The following ROBO2 variants were observed in gnomAD, a reference collection of about 807,000 sequenced individuals.
ROBO2 encodes roundabout homolog 2.
In ROBO2, 53 loss-of-function variants were observed where a neutral mutation model predicts 160.8. That is an observed-to-expected ratio of 0.33 (90% CI 0.26 to 0.41). The LOEUF (loss-of-function observed/expected upper bound fraction) is 0.41. Among genes scored for constraint, ROBO2 ranks in the 10% least tolerant of loss-of-function variants. The pLI is 1.00. For synonymous variants in ROBO2, 664 were observed against 611.7 expected, an observed-to-expected ratio of 1.09 and a Z score of -1.26; for missense variants, 1,577 against 1,722.4, an observed-to-expected ratio of 0.92 and a Z score of 1.49.
At chr3:76,048,768 C>T (rs534132255) in intron 2 of ROBO2, among the ~76,000 whole-genome samples, 6 of 152,096 alleles carry the variant, frequency 3.9e-5, no homozygotes, top group African/African-American at 7.2e-5. Context: ...GCTGTGTCTA[C>T]GGTAACGGGG....
chr3:77,069,270 A>G (rs1578697455), intron 1 of ROBO2, among the ~76,000 whole-genome samples: 1 of 152,220 alleles, frequency 6.6e-6, no homozygotes, highest in Non-Finnish European at 1.5e-5. Flanking sequence ...AGGAGAAGGA[A>G]GAGGTCTGAA....
intron 2 of ROBO2, among the ~76,000 whole-genome samples, chr3:77,012,150 A>G (rs992191190): frequency 2.0e-5 from 3 of 152,206 alleles, no homozygotes; most frequent in African/African-American, 4.8e-5. Flanking sequence ...GGCAATGAAT[A>G]CATGAAATGT....
chr3:76,938,363 C>G (rs111496363), intron 2 of ROBO2, among the ~76,000 whole-genome samples: 5,929 of 149,850 alleles, frequency 0.04, 380 homozygotes, highest in African/African-American at 0.14. Flanking sequence ...CCACCTACCC[C>G]CCCCAAAAAA....
chr3:76,032,735 T>C (rs1465491895), intron 2 of ROBO2, among the ~76,000 whole-genome samples: 1 of 152,190 alleles, frequency 6.6e-6, no homozygotes, highest in Non-Finnish European at 1.5e-5. Context: ...TTTGTTGTAA[T>C]TTCTGTTCTT....
At chr3:76,736,827 CT>C (rs1357280036) in intron 2 of ROBO2, among the ~76,000 whole-genome samples, 1 of 152,184 alleles carries the variant, frequency 6.6e-6, no homozygotes, top group African/African-American at 2.4e-5. Context: ...ATCATCACTA[CT>C]TACTAATGTT....
At chr3:77,270,172 G>A (rs533231337) in intron 2 of ROBO2, among the ~76,000 whole-genome samples, 2 of 152,208 alleles carry the variant, frequency 1.3e-5, no homozygotes, top group African/African-American at 4.8e-5. Context: ...TTTTCTTTAA[G>A]AACATTCTAA....
chr3:77,104,017 AG>A (rs2072436977), intron 2 of ROBO2, among the ~76,000 whole-genome samples: 2 of 152,346 alleles, frequency 1.3e-5, no homozygotes, highest in Admixed American at 1.3e-4. Context: ...AATTGCAAAA[AG>A]ATCAATCCAT....
At chr3:76,461,136 G>A (rs2078062736) in intron 2 of ROBO2, among the ~76,000 whole-genome samples, 1 of 152,176 alleles carries the variant, frequency 6.6e-6, no homozygotes, top group Non-Finnish European at 1.5e-5. Context: ...GGGCTTCCAG[G>A]GAGGCCTCAG....
chr3:76,807,361 C>G (rs950708580), intron 2 of ROBO2, among the ~76,000 whole-genome samples: 1 of 151,958 alleles, frequency 6.6e-6, no homozygotes, highest in African/African-American at 2.4e-5. Context: ...TGAAATTAAC[C>G]TATACAAATA....
At chr3:76,100,051 T>C (rs1425878680) in intron 2 of ROBO2, among the ~76,000 whole-genome samples, 8 of 152,188 alleles carry the variant, frequency 5.3e-5, no homozygotes, top group Admixed American at 5.2e-4. Flanking sequence ...TGCATAGTCC[T>C]GTGTGTTTTT....
At chr3:76,501,009 T>C (rs1348480538) in intron 2 of ROBO2, among the ~76,000 whole-genome samples, 2 of 152,108 alleles carry the variant, frequency 1.3e-5, no homozygotes, top group East Asian at 1.9e-4. Flanking sequence ...CTAGGAAGCA[T>C]ATTTGTCATA....
intron 2 of ROBO2, among the ~76,000 whole-genome samples, chr3:76,051,892 A>C (rs1261871292): frequency 2.0e-5 from 3 of 151,186 alleles, no homozygotes; most frequent in Non-Finnish European, 4.4e-5. Context: ...TTTTGAAGAG[A>C]TATTTTTCTC....
At chr3:77,564,404 A>G (rs752912304) in intron 11 of ROBO2, 1 of 454,398 alleles carries the variant, frequency 2.2e-6, no homozygotes, top group South Asian at 1.6e-5. Context: ...TTAACAATGT[A>G]ACCAAGGGAA....
intron 2 of ROBO2, among the ~76,000 whole-genome samples, chr3:76,896,877 A>G (rs1244324038): frequency 6.6e-6 from 1 of 152,176 alleles, no homozygotes; most frequent in East Asian, 1.9e-4. Context: ...TAGTATTTTT[A>G]AGCTCCAAAT....
intron 2 of ROBO2, among the ~76,000 whole-genome samples, chr3:77,132,052 G>A (rs2075896804): frequency 6.6e-6 from 1 of 151,948 alleles, no homozygotes; most frequent in Non-Finnish European, 1.5e-5. Context: ...ATTAATTTGG[G>A]TGCATGTTTT....
chr3:77,407,650 T>A (rs147217972), intron 2 of ROBO2, among the ~76,000 whole-genome samples: 1 of 152,342 alleles, frequency 6.6e-6, no homozygotes, highest in African/African-American at 2.4e-5. Context: ...CATGAGGTAA[T>A]TAGGGCTAAT....
chr3:77,185,464 T>A (rs2081196978), intron 2 of ROBO2, among the ~76,000 whole-genome samples: 1 of 151,882 alleles, frequency 6.6e-6, no homozygotes, highest in South Asian at 2.1e-4. Flanking sequence ...AAAACCACAA[T>A]GTAATACCAC....
intron 2 of ROBO2, among the ~76,000 whole-genome samples, chr3:76,168,953 T>C (rs910005099): frequency 1.3e-5 from 2 of 151,848 alleles, no homozygotes; most frequent in African/African-American, 4.8e-5. Flanking sequence ...AGATTATTTA[T>C]TTTCATTGAT....
intron 2 of ROBO2, among the ~76,000 whole-genome samples, chr3:76,812,345 G>GA (rs199902883): frequency 0.27 from 25,075 of 94,316 alleles, 3,833 homozygotes; most frequent in East Asian, 0.38. Context: ...AAAGCTATTT[G>GA]AAAAAAAAAA....
Sources: allele counts gnomAD v4.1 joint callset (sites outside exome capture counted in the v4.1 genomes callset), GRCh38; gene constraint gnomAD v4.1.1; transcripts MANE v1.5; gene names NCBI Gene and HGNC (gene_info 2026-07-23, HGNC 2026-07-21).